CNGB1: variants seen among roughly 807,000 people sequenced by gnomAD.
CNGB1 encodes the protein cyclic nucleotide-gated channel beta-1.
Under a neutral mutation model 151.7 loss-of-function variants are expected in CNGB1, and 126 were observed. That is an observed-to-expected ratio of 0.83 (90% confidence interval 0.72 to 0.96). The LOEUF (loss-of-function observed/expected upper bound fraction) is 0.96, where lower values mean the gene tolerates loss of function less well. Among genes scored for constraint, CNGB1 ranks in the 40% least tolerant of loss-of-function variants. The pLI is 0.00. For missense variants in CNGB1, 1,698 were observed against 1,627.0 expected (o/e 1.04, Z -0.75); for synonymous variants, 623 against 635.1 (o/e 0.98, Z 0.29).
chr16:57,965,362 C>T (rs138177201), intron 2 of CNGB1, among the ~76,000 whole-genome samples: 8 of 152,246 alleles, frequency 5.3e-5, no homozygotes, highest in Non-Finnish European at 1.2e-4. Flanking sequence ...CATATGCAAA[C>T]GTGCATATAC....
At chr16:57,932,547 C>A (rs1355719260) in intron 16 of CNGB1, among the ~76,000 whole-genome samples, 1 of 151,752 alleles carries the variant, frequency 6.6e-6, no homozygotes, top group Non-Finnish European at 1.5e-5. Context: ...GGACTACAGG[C>A]TCCCGCCACC....
intron 10 of CNGB1, among the ~76,000 whole-genome samples, chr16:57,958,921 CTT>C (rs10708381): frequency 0.022 from 2,692 of 119,838 alleles, 26 homozygotes; most frequent in African/African-American, 0.032. Flanking sequence ...TCATGCCCAG[CTT>C]TTTTTTTTTT....
chr16:57,899,918 C>T (rs1960342029), intron 29 of CNGB1, among the ~76,000 whole-genome samples: 1 of 152,180 alleles, frequency 6.6e-6, no homozygotes, highest in South Asian at 2.1e-4. Context: ...GCCCTTCACA[C>T]GTGCTCACCA....
Position 57,912,397 on chromosome 16 carries a change from C to A in CNGB1, c.2370-522G>T, listed in dbSNP as rs117208262. 8.0e-3 allele frequency among the ~76,000 whole-genome samples: 1,219 copies of A among 152,340 alleles called. 10 individuals are homozygous for A. The highest frequency in any genetic ancestry group is 0.014 in the Non-Finnish European group (943 of 68,036). On this transcript the variant is annotated intron_variant, in intron 24 of 32. Coordinates refer to ENST00000251102, the MANE Select transcript of CNGB1 (RefSeq NM_001297.5). ...TAAGCCCCTCGTGCCAGCTGATGTGCACCCTCATCACAATGAGGGGCATCG... is the reference window on the plus strand; with the variant it reads ...TAAGCCCCTCGTGCCAGCTGATGTGAACCCTCATCACAATGAGGGGCATCG...
At chr16:57,952,749 C>T (rs1324328257) in intron 12 of CNGB1, among the ~76,000 whole-genome samples, 1 of 152,132 alleles carries the variant, frequency 6.6e-6, no homozygotes, top group Non-Finnish European at 1.5e-5. Flanking sequence ...AATCCACCCA[C>T]CTTGACCTCC....
At chr16:57,940,634 GT>G (rs1961645100) in intron 14 of CNGB1, among the ~76,000 whole-genome samples, 2 of 152,170 alleles carry the variant, frequency 1.3e-5, no homozygotes, top group Non-Finnish European at 2.9e-5. Context: ...GGAGGAAAAG[GT>G]TGTCCAGGAA....
At chr16:57,901,504 G>C in intron 28 of CNGB1, 24 bp downstream of exon 28, 1 of 1,612,214 alleles carries the variant, frequency 6.2e-7, no homozygotes, top group Non-Finnish European at 8.5e-7. Flanking sequence ...ACAGCCCTGA[G>C]CGTGAGGGCA....
chr16:57,906,305 G>T (rs1456875047), intron 25 of CNGB1, among the ~76,000 whole-genome samples: 6 of 152,244 alleles, frequency 3.9e-5, no homozygotes, highest in African/African-American at 1.4e-4. Flanking sequence ...GGTGCTAGAA[G>T]AAGCCTGGCA....
chr16:57,958,175 C>G (rs551587639), intron 11 of CNGB1, among the ~76,000 whole-genome samples: 29 of 152,308 alleles, frequency 1.9e-4, no homozygotes, highest in African/African-American at 6.7e-4. Context: ...CTTCTGTGCC[C>G]CATATCCTCT....
In CNGB1 at chr16:57,901,318, C is replaced by A. The variant is rs554444102; in HGVS notation, c.2976+34G>T. On this transcript the variant is annotated intron_variant, in intron 29 of 32. Coordinates refer to ENST00000251102, the MANE Select transcript of CNGB1 (RefSeq NM_001297.5). Reference sequence around the variant, plus strand: ...CTTGAAAGCCAGGGGGATGGTGAACCCCAGATCCCGTGGTGGCTGCCAGGC... The same window carrying A: ...CTTGAAAGCCAGGGGGATGGTGAACACCAGATCCCGTGGTGGCTGCCAGGC... 6 of 1,607,236 alleles carry A rather than the reference C, an allele frequency of 3.7e-6. No homozygotes were observed. The Admixed American group carries it at 1.0e-4, about 27-fold the overall frequency.
At chr16:57,904,644 G>T in intron 26 of CNGB1, 90 bp downstream of exon 26, 1 of 1,579,720 alleles carries the variant, frequency 6.3e-7, no homozygotes, top group Non-Finnish European at 8.7e-7. Flanking sequence ...TAATCCAAAA[G>T]CAACGGGCAC....
Position 57,940,442 on chromosome 16 carries a change from C to A in CNGB1, c.1122-121G>T, listed in dbSNP as rs911349949. On this transcript the variant is annotated intron_variant, in intron 14 of 32. Coordinates refer to ENST00000251102, the MANE Select transcript of CNGB1 (RefSeq NM_001297.5). ...CGGAGGGTACAGAGATGCCCAAGAA[C>A]CAGTCTCAACCTCAGGAGCCTCCAG... is the stretch of plus-strand genomic sequence containing the variant. 5.7e-6 allele frequency: 5 copies of A among 882,996 alleles called. No homozygotes were observed. The African/African-American group carries it at 6.7e-5, about 12-fold the overall frequency. The allele number at this position is 882,996 out of a possible 1,614,324, so 54.7% of individuals were successfully genotyped here.
intron 4 of CNGB1, 104 bp downstream of exon 4, chr16:57,964,026 G>T: frequency 1.9e-6 from 2 of 1,045,198 alleles, no homozygotes; most frequent in Non-Finnish European, 2.9e-6. Context: ...TGACAGCAGA[G>T]CTAAGGGCAG....
chr16:57,897,328 A>T, intron 31 of CNGB1, 69 bp downstream of exon 31: 2 of 1,443,168 alleles, frequency 1.4e-6, no homozygotes, highest in Non-Finnish European at 1.9e-6. Context: ...AGATAAAGGT[A>T]CTGTGGTTAT....
At chr16:57,891,225 T>C (rs1960081296) in intron 31 of CNGB1, among the ~76,000 whole-genome samples, 1 of 152,204 alleles carries the variant, frequency 6.6e-6, no homozygotes, top group Non-Finnish European at 1.5e-5. Context: ...ATCTCATGAT[T>C]TGTAGTAATT....
At chr16:57,914,146 A>G (rs515155) in intron 23 of CNGB1, among the ~76,000 whole-genome samples, 70,656 of 152,078 alleles carry the variant, frequency 0.46, 16,861 homozygotes, top group East Asian at 0.58. Context: ...TGTCCACTGA[A>G]TGGTGTTCAA....
chr16:57,940,082 G>A (rs1365707599), intron 15 of CNGB1, 152 bp downstream of exon 15: 3 of 776,034 alleles, frequency 3.9e-6, no homozygotes, highest in Non-Finnish European at 6.6e-6. Context: ...CTGCCAAGAG[G>A]GGGCCTCGCA....
intron 12 of CNGB1, among the ~76,000 whole-genome samples, chr16:57,952,915 C>T (rs1225301538): frequency 1.3e-5 from 2 of 152,192 alleles, no homozygotes; most frequent in African/African-American, 4.8e-5. Flanking sequence ...AGATCACCAA[C>T]CTGGAAGGGG....
In CNGB1 at chr16:57,884,294, T is replaced by C. The variant is rs1959843097; in HGVS notation, c.3626A>G (p.Glu1209Gly). ...SPPPASLGRP[E>G]GEEEGPAEPE... ...CTCGGCCGGCCCCTCCTCCTCTCCC[T>C]CCGGCCTCCCAAGGGAGGCAGGCGG... Residue 1209 changes from glutamate to glycine, a missense_variant, in exon 33 of 33, where the codon GAG (glutamate) becomes GGG (glycine). Glu to Gly is a moderately conservative substitution (Grantham distance 98). Transcript: ENST00000251102. 1 of 1,612,412 alleles carries C rather than the reference T, an allele frequency of 6.2e-7. No homozygotes were observed. The highest frequency in any genetic ancestry group is 8.5e-7 in the Non-Finnish European group (1 of 1,179,542).
Sources: allele counts gnomAD v4.1 joint callset (sites outside exome capture counted in the v4.1 genomes callset), GRCh38; gene constraint gnomAD v4.1.1; transcripts MANE v1.5; gene names NCBI Gene and HGNC (gene_info 2026-07-23, HGNC 2026-07-21).